The following TMEM178B variants were observed in gnomAD, a reference collection of about 807,000 sequenced individuals.
The protein encoded by TMEM178B is transmembrane protein 178B.
Under a neutral mutation model 31.0 loss-of-function variants are expected in TMEM178B, and 5 were observed. The ratio of observed to expected loss-of-function variants is 0.16; its 90% CI spans 0.08 to 0.34. TMEM178B has a LOEUF of 0.34. TMEM178B is among the 10% of genes least tolerant of loss of function. The pLI is 1.00. For synonymous variants in TMEM178B, 164 were observed against 164.0 expected, an observed-to-expected ratio of 1.00 and a Z score of 0.00; for missense variants, 275 against 400.3, an observed-to-expected ratio of 0.69 and a Z score of 2.67.
intron 2 of TMEM178B, among the ~76,000 whole-genome samples, chr7:141,333,839 G>A (rs1314930375): frequency 3.9e-5 from 6 of 152,202 alleles, no homozygotes; most frequent in Admixed American, 3.3e-4. Context: ...AAAGGAGCGC[G>A]CAATCTAGAT....
intron 2 of TMEM178B, among the ~76,000 whole-genome samples, chr7:141,331,922 CT>C (rs1302596037): frequency 2.6e-5 from 4 of 152,176 alleles, no homozygotes; most frequent in African/African-American, 9.7e-5. Context: ...ACCCATTTGT[CT>C]TTTTATTCAG....
chr7:141,078,735 T>A (rs1794637601), intron 1 of TMEM178B, among the ~76,000 whole-genome samples: 1 of 151,966 alleles, frequency 6.6e-6, no homozygotes, highest in African/African-American at 2.4e-5. Flanking sequence ...GAACAAGATG[T>A]TTGATAAGGT....
intron 1 of TMEM178B, among the ~76,000 whole-genome samples, chr7:141,164,301 A>G (rs375749438): frequency 6.6e-6 from 1 of 152,216 alleles, no homozygotes; most frequent in Admixed American, 6.5e-5. Context: ...GAATGTTATC[A>G]TTAGAGTGAG....
At chr7:141,315,529 A>G (rs1798987176) in intron 2 of TMEM178B, among the ~76,000 whole-genome samples, 1 of 152,166 alleles carries the variant, frequency 6.6e-6, no homozygotes, top group African/African-American at 2.4e-5. Flanking sequence ...CTAGATTAGG[A>G]TCTATTTTCT....
rs117381440 is a variant in TMEM178B, at chr7:141,327,655, C to T, written c.497-109953C>T. ...AAGTTTATGTGTTGGAAACTTGATC[C>T]CACTGAGGACATGTTGGGAGGTAGG... On this transcript the variant is annotated intron_variant, in intron 2 of 3. Transcript: ENST00000565468. Among the ~76,000 whole-genome samples, 1,440 of 152,146 alleles carry T rather than the reference C, an allele frequency of 9.5e-3. 15 individuals carry two copies. Among genetic ancestry groups the T allele is most frequent in the Middle Eastern group, 0.017 (5 of 294 alleles).
In TMEM178B at chr7:141,475,717, G is replaced by A. The variant is rs1290814796; in HGVS notation, c.*4931G>A. On this transcript the variant is annotated 3_prime_UTR_variant, in exon 4 of 4. Coordinates refer to ENST00000565468, the MANE Select transcript of TMEM178B (RefSeq NM_001195278.2). ...AAAAGTTTAATGCCAGACCTTAGGG[G>A]CAGGATGGAGCAGGGCTAAAAGATG... 2 of 152,130 alleles carry A rather than the reference G, an allele frequency of 1.3e-5. No individual in the cohort carries two copies. The highest frequency in any genetic ancestry group is 2.9e-5 in the Non-Finnish European group (2 of 68,036). The allele number at this position is 152,130 out of a possible 1,614,324, so 9.4% of individuals were successfully genotyped here.
intron 1 of TMEM178B, among the ~76,000 whole-genome samples, chr7:141,161,300 G>A (rs1796168195): frequency 1.3e-5 from 2 of 152,252 alleles, no homozygotes; most frequent in Admixed American, 6.5e-5. Flanking sequence ...GGTGGTGAGT[G>A]GTCTGAGGGA....
At chr7:141,459,665 G>A (rs1027344520) in intron 3 of TMEM178B, among the ~76,000 whole-genome samples, 2 of 152,200 alleles carry the variant, frequency 1.3e-5, no homozygotes, top group African/African-American at 4.8e-5. Flanking sequence ...CATGGAGGAT[G>A]AGAATTTCAG....
chr7:141,393,335 T>C (rs139635379), intron 2 of TMEM178B, among the ~76,000 whole-genome samples: 79 of 152,282 alleles, frequency 5.2e-4, no homozygotes, highest in Non-Finnish European at 9.7e-4. Context: ...ACAGGAAATA[T>C]AAAGCACTTG....
chr7:141,167,072 A>G (rs1174225624), intron 1 of TMEM178B, among the ~76,000 whole-genome samples: 2 of 152,236 alleles, frequency 1.3e-5, no homozygotes, highest in Non-Finnish European at 2.9e-5. Context: ...ATAGCTAGTC[A>G]TTTAACTTCT....
intron 1 of TMEM178B, among the ~76,000 whole-genome samples, chr7:141,120,117 G>C (rs987743017): frequency 1.1e-4 from 16 of 152,302 alleles, no homozygotes; most frequent in Non-Finnish European, 2.2e-4. Flanking sequence ...TTAGAATAGT[G>C]AGGCGATATC....
Position 141,420,938 on chromosome 7 carries a change from A to T in TMEM178B, c.497-16670A>T, listed in dbSNP as rs143233993. On this transcript the variant is annotated intron_variant, in intron 2 of 3. Transcript: ENST00000565468. The stretch of plus-strand genomic sequence containing the variant: ...TCATTTGGTCTACCCCCTAACTTCC[A>T]GGTAGCAAGGAATGTTATTCTGATG... Among the ~76,000 whole-genome samples, 23 of 152,310 alleles carry T rather than the reference A, an allele frequency of 1.5e-4. No individual in the cohort carries two copies. The East Asian group carries it at 4.4e-3, about 29-fold the overall frequency.
At chr7:141,119,423 C>T (rs922548038) in intron 1 of TMEM178B, among the ~76,000 whole-genome samples, 2 of 152,012 alleles carry the variant, frequency 1.3e-5, no homozygotes, top group South Asian at 2.1e-4. Flanking sequence ...AGGATGGGGG[C>T]GGAACACTGA....
chr7:141,142,542 G>A (rs1306852042), intron 1 of TMEM178B, among the ~76,000 whole-genome samples: 1 of 151,824 alleles, frequency 6.6e-6, no homozygotes, highest in Non-Finnish European at 1.5e-5. Context: ...CAAGTAGCTA[G>A]GACTACAGGT....
At chr7:141,207,508 T>C (rs1168652504) in intron 1 of TMEM178B, among the ~76,000 whole-genome samples, 1 of 152,238 alleles carries the variant, frequency 6.6e-6, no homozygotes, top group African/African-American at 2.4e-5. Context: ...GATATCCCCT[T>C]GTAGTTTCAA....
intron 1 of TMEM178B, among the ~76,000 whole-genome samples, chr7:141,120,017 A>G (rs1312948468): frequency 1.3e-5 from 2 of 152,088 alleles, no homozygotes; most frequent in Non-Finnish European, 2.9e-5. Context: ...TGAGGTGGAG[A>G]TGTATCTTGT....
intron 2 of TMEM178B, among the ~76,000 whole-genome samples, chr7:141,278,199 T>C (rs1320767091): frequency 6.6e-6 from 1 of 152,260 alleles, no homozygotes. Flanking sequence ...GAATGAAGGC[T>C]TTGTTCCCAG....
intron 1 of TMEM178B, among the ~76,000 whole-genome samples, chr7:141,191,468 A>G (rs567208741): frequency 2.0e-5 from 3 of 152,342 alleles, no homozygotes; most frequent in East Asian, 1.9e-4. Context: ...TTACACTCCA[A>G]CGGCCACTCA....
At chr7:141,266,026 C>A (rs1798089887) in intron 2 of TMEM178B, among the ~76,000 whole-genome samples, 1 of 152,200 alleles carries the variant, frequency 6.6e-6, no homozygotes. Flanking sequence ...GTGTGGAATT[C>A]CTCCTGCTTC....
Sources: allele counts gnomAD v4.1 joint callset (sites outside exome capture counted in the v4.1 genomes callset), GRCh38; gene constraint gnomAD v4.1.1; transcripts MANE v1.5; gene names NCBI Gene and HGNC (gene_info 2026-07-23, HGNC 2026-07-21).